Variants in MTSS1 observed in about 807,000 individuals in gnomAD.
The protein encoded by MTSS1 is protein MTSS 1.
MTSS1 carries 18 observed loss-of-function variants against 79.0 expected under a neutral mutation model. The ratio of observed to expected loss-of-function variants is 0.23; its 90% confidence interval spans 0.16 to 0.34. MTSS1 has a LOEUF of 0.34. Among genes scored for constraint, MTSS1 ranks in the 10% least tolerant of loss-of-function variants. The pLI, the probability that MTSS1 is intolerant of heterozygous loss-of-function variation, is 1.00. For missense variants in MTSS1, 815 were observed against 986.2 expected (o/e 0.83, Z 2.33); for synonymous variants, 341 against 368.6 (o/e 0.93, Z 0.86).
At chr8:124,565,573 TAA>T in intron 9 of MTSS1, 87 bp downstream of exon 9, 1 of 1,106,386 alleles carries the variant, frequency 9.0e-7, no homozygotes, top group Non-Finnish European at 1.3e-6. Context: ...TGAGCCATTC[TAA>T]GAGATAAGGA....
intron 5 of MTSS1, among the ~76,000 whole-genome samples, chr8:124,589,342 C>A (rs1831424945): frequency 2.0e-5 from 3 of 152,168 alleles, no homozygotes; most frequent in South Asian, 4.1e-4. Flanking sequence ...GTGATTTATT[C>A]TTAATTCAGC....
chr8:124,624,940 T>C (rs4871519), intron 3 of MTSS1, among the ~76,000 whole-genome samples: 5,113 of 152,324 alleles, frequency 0.034, 114 homozygotes, highest in South Asian at 0.053. Context: ...TAGATAAATG[T>C]TCTACATGAC....
intron 3 of MTSS1, among the ~76,000 whole-genome samples, chr8:124,645,515 T>C (rs1818849238): frequency 6.6e-6 from 1 of 152,308 alleles, no homozygotes; most frequent in South Asian, 2.1e-4. Flanking sequence ...CTCAAATTAT[T>C]CTTCCCACGA....
intron 3 of MTSS1, among the ~76,000 whole-genome samples, chr8:124,627,056 G>T (rs1306746266): frequency 6.6e-6 from 1 of 152,068 alleles, no homozygotes; most frequent in Admixed American, 6.5e-5. Context: ...GCAGGCAGCA[G>T]CTGTGTGGCT....
chr8:124,645,455 GC>G (rs1389146093), intron 3 of MTSS1, among the ~76,000 whole-genome samples: 1 of 152,124 alleles, frequency 6.6e-6, no homozygotes, highest in Admixed American at 6.5e-5. Context: ...ATGTTGGGTG[GC>G]TAGTCCCATC....
At position 124,553,086 on chromosome 8, in the gene MTSS1, G is replaced by A. The variant is rs1199723655; in HGVS notation, c.2174C>T (p.Thr725Ile). The A allele has an allele frequency of 1.2e-6, 2 of 1,613,990 alleles. No homozygotes were observed. Among genetic ancestry groups the A allele is most frequent in the Non-Finnish European group, 1.7e-6 (2 of 1,180,032 alleles). ...GTTCAGCATGTCTTCTCCTTGTGGAGTATCCCTTGGGCTCAGGTCTGCAGG... is the reference window on the plus strand; with the variant it reads ...GTTCAGCATGTCTTCTCCTTGTGGAATATCCCTTGGGCTCAGGTCTGCAGG... ...SDPADLSPRD[T>I]PQGEDMLNAI... The change falls in exon 14 of 14, where the codon ACT becomes ATT. Residue 725 changes from threonine to isoleucine, a missense_variant. Transcript: ENST00000518547. This position sits in a 1 kb window ranked among gnomAD's most constrained non-coding sequence, Gnocchi z 6.0.
intron 1 of MTSS1, among the ~76,000 whole-genome samples, chr8:124,706,395 G>A (rs955230310): frequency 1.4e-5 from 2 of 147,362 alleles, no homozygotes; most frequent in African/African-American, 5.4e-5. Flanking sequence ...TTTTTAAAAC[G>A]TAAGATCAAA....
intron 3 of MTSS1, among the ~76,000 whole-genome samples, chr8:124,608,233 C>T (rs191483974): frequency 4.7e-4 from 71 of 152,188 alleles, no homozygotes; most frequent in South Asian, 1.0e-3. Context: ...TTCTTCCCCA[C>T]ACCCACTTTA....
chr8:124,676,583 G>A (rs1361590597), intron 3 of MTSS1, among the ~76,000 whole-genome samples: 1 of 152,216 alleles, frequency 6.6e-6, no homozygotes, highest in African/African-American at 2.4e-5. Context: ...CTCAGGTAAT[G>A]GAGAGGCTAA....
rs1387995654 is a variant in MTSS1, at chr8:124,552,219, A to G, written c.*773T>C. On this transcript the variant is annotated 3_prime_UTR_variant, in exon 14 of 14. Coordinates refer to ENST00000518547, the MANE Select transcript of MTSS1 (RefSeq NM_014751.6). ...TGGGTGCTGTGTGCAGTCCAGAGGAATCATGGGAGAAAGGAAGTCAAGTCC... is the reference window on the plus strand; with the variant it reads ...TGGGTGCTGTGTGCAGTCCAGAGGAGTCATGGGAGAAAGGAAGTCAAGTCC... The G allele has an allele frequency of 1.3e-5, 2 of 152,758 alleles. No homozygotes were observed. The highest frequency in any genetic ancestry group is 2.9e-5 in the Non-Finnish European group (2 of 68,126). 9.5% of individuals were successfully genotyped at this position (152,758 alleles called of 1,614,324 possible). A position where few individuals can be genotyped will look rare whatever the true frequency, so the allele number is the denominator to read the frequency against.
intron 1 of MTSS1, among the ~76,000 whole-genome samples, chr8:124,713,019 T>A (rs562342116): frequency 1.4e-4 from 22 of 152,288 alleles, no homozygotes; most frequent in African/African-American, 5.3e-4. Flanking sequence ...TCCAAGTCAT[T>A]TTCTTAAGTT....
chr8:124,635,992 C>A (rs766553429), intron 3 of MTSS1, among the ~76,000 whole-genome samples: 16 of 152,136 alleles, frequency 1.1e-4, no homozygotes, highest in Admixed American at 6.5e-5. Context: ...GACACAAAGG[C>A]AGGAAAACCA....
At chr8:124,647,702 G>A (rs1286086804) in intron 3 of MTSS1, among the ~76,000 whole-genome samples, 1 of 152,170 alleles carries the variant, frequency 6.6e-6, no homozygotes, top group African/African-American at 2.4e-5. Context: ...TTCTTCAATT[G>A]TTACAGCTCG....
At chr8:124,652,214 C>T (rs1366778162) in intron 3 of MTSS1, among the ~76,000 whole-genome samples, 1 of 152,188 alleles carries the variant, frequency 6.6e-6, no homozygotes, top group Non-Finnish European at 1.5e-5. Flanking sequence ...TGCTCTGTTG[C>T]CCAGGCTGGA....
intron 3 of MTSS1, among the ~76,000 whole-genome samples, chr8:124,614,258 G>C (rs553573029): frequency 1.3e-5 from 2 of 152,168 alleles, no homozygotes; most frequent in Non-Finnish European, 2.9e-5. Flanking sequence ...AGAACAGGGG[G>C]ATTACCTGCT....
At chr8:124,630,046 C>T (rs1281297538) in intron 3 of MTSS1, among the ~76,000 whole-genome samples, 1 of 152,230 alleles carries the variant, frequency 6.6e-6, no homozygotes, top group Non-Finnish European at 1.5e-5. Flanking sequence ...TGAAATACTT[C>T]ACCTGCTCCA....
intron 1 of MTSS1, among the ~76,000 whole-genome samples, chr8:124,704,399 A>T (rs1006170382): frequency 1.6e-4 from 24 of 152,232 alleles, no homozygotes; most frequent in Admixed American, 2.6e-4. Flanking sequence ...TCTTGTAAAT[A>T]CTACAAACAT....
intron 6 of MTSS1, among the ~76,000 whole-genome samples, chr8:124,569,903 C>A (rs1006596391): frequency 6.6e-6 from 1 of 152,188 alleles, no homozygotes; most frequent in Non-Finnish European, 1.5e-5. Context: ...AACACTGAAC[C>A]TATTCTCTGC....
intron 3 of MTSS1, among the ~76,000 whole-genome samples, chr8:124,691,601 C>T (rs1312602445): frequency 2.6e-5 from 4 of 152,092 alleles, no homozygotes; most frequent in South Asian, 4.2e-4. Flanking sequence ...CTGCAACCTC[C>T]GCCTCCCAGG....
Sources: allele counts gnomAD v4.1 joint callset (sites outside exome capture counted in the v4.1 genomes callset), GRCh38; gene constraint gnomAD v4.1.1; non-coding constraint Gnocchi (gnomAD v3.1); transcripts MANE v1.5; gene names NCBI Gene and HGNC (gene_info 2026-07-23, HGNC 2026-07-21).